TMEM245: variants seen among roughly 807,000 people sequenced by gnomAD.
The protein encoded by TMEM245 is protein CG-2.
A neutral mutation model predicts 101.2 loss-of-function variants in TMEM245; 69 were observed. The ratio of observed to expected loss-of-function variants is 0.68; its 90% CI spans 0.56 to 0.83. The LOEUF is 0.83. TMEM245 is among the 40% of genes least tolerant of loss of function. The probability of loss-of-function intolerance (pLI) is 0.00; values close to 1 mark genes in which losing one functional copy is unlikely to be tolerated. For missense variants in TMEM245, 1,075 were observed against 1,092.8 expected, an observed-to-expected ratio of 0.98 and a Z score of 0.23; for synonymous variants, 537 against 449.8, an observed-to-expected ratio of 1.19 and a Z score of -2.45.
In TMEM245 at chr9:109,088,419, G is replaced by A. The variant is rs145506862; in HGVS notation, c.1151-1077C>T. On this transcript the variant is annotated intron_variant, in intron 5 of 17. Coordinates refer to ENST00000374586, the MANE Select transcript of TMEM245 (RefSeq NM_032012.4). ...TGTCAAATTCCTATGATGACTAGAA[G>A]GTTAAGCTATAACTAAGAGAAATGA... Among the ~76,000 whole-genome samples, 5 of 152,244 alleles carry A rather than the reference G, an allele frequency of 3.3e-5. No homozygotes were observed. The East Asian group carries it at 9.6e-4, about 29-fold the overall frequency.
Position 109,020,246 on chromosome 9 carries a change from C to T in TMEM245, c.*214G>A, listed in dbSNP as rs1245186790. On this transcript the variant is annotated 3_prime_UTR_variant, in exon 18 of 18. Transcript: ENST00000374586. ...TAACAACAGTTAAGTGAGCAAACCA[C>T]CAACTCTGAACTCTCAAGCTGTGTT... 3.3e-6 allele frequency: 2 copies of T among 607,656 alleles called. No homozygotes were observed. Among genetic ancestry groups the T allele is most frequent in the African/African-American group, 1.9e-5 (1 of 53,660 alleles). 37.6% of individuals were successfully genotyped at this position (607,656 alleles called of 1,614,324 possible). A position where few individuals can be genotyped will look rare whatever the true frequency, so the allele number is the denominator to read the frequency against.
At position 109,016,546 on chromosome 9, in the gene TMEM245, TA is replaced by T. The variant is rs112571676; in HGVS notation, c.*3913del. 13,242 of 152,282 alleles carry T rather than the reference TA, an allele frequency of 0.087. 682 individuals carry two copies. The highest frequency in any genetic ancestry group is 0.23 in the South Asian group (1,116 of 4,824). 9.4% of individuals were successfully genotyped at this position (152,282 alleles called of 1,614,324 possible). A position where few individuals can be genotyped will look rare whatever the true frequency, so the allele number is the denominator to read the frequency against. On this transcript the variant is annotated 3_prime_UTR_variant, in exon 18 of 18. Transcript: ENST00000374586. ...AGAAAGTGACAGGACCACCTAATTT[TA>T]GAAGTCCCATTCTAGCACAGAATTT...
Position 109,064,564 on chromosome 9 carries a change from C to A in TMEM245, c.1536G>T (p.Trp512Cys), listed in dbSNP as rs1448721050. 1 of 1,612,874 alleles carries A rather than the reference C, an allele frequency of 6.2e-7. No individual in the cohort carries two copies. Among genetic ancestry groups the A allele is most frequent in the South Asian group, 1.1e-5 (1 of 91,018 alleles). The change falls in exon 10 of 18, where the codon TGG becomes TGT. Residue 512 changes from tryptophan to cysteine, a missense_variant. This residue lies in a region of TMEM245 where 808 missense variants were observed against 741.5 expected (regional missense o/e 1.09). Coordinates refer to ENST00000374586, the MANE Select transcript of TMEM245 (RefSeq NM_032012.4). ...TLANHPEWANWLPEAQVVQRA... is the reference protein window; with the variant it reads ...TLANHPEWANCLPEAQVVQRA... ...TTTGGACTACCTGAGCCTCAGGAAG[C>A]CAACTAATGTAAAACAAAGAAAAAA...
At chr9:109,081,523 A>G (rs942452259) in intron 7 of TMEM245, among the ~76,000 whole-genome samples, 7 of 152,210 alleles carry the variant, frequency 4.6e-5, no homozygotes, top group Admixed American at 2.6e-4. Flanking sequence ...AATAACAAAG[A>G]TAACAGTTGC....
chr9:109,099,653 T>A (rs1264282728), intron 3 of TMEM245, among the ~76,000 whole-genome samples: 1 of 152,180 alleles, frequency 6.6e-6, no homozygotes, highest in Non-Finnish European at 1.5e-5. Context: ...ACTAAGAGTA[T>A]TTTTAAAGAG....
At chr9:109,029,707 G>A (rs1018138260) in intron 17 of TMEM245, among the ~76,000 whole-genome samples, 1 of 152,156 alleles carries the variant, frequency 6.6e-6, no homozygotes, top group African/African-American at 2.4e-5. Flanking sequence ...CAATGCAAGG[G>A]AGAGTTGAGG....
chr9:109,078,437 C>G (rs184871462), intron 8 of TMEM245, among the ~76,000 whole-genome samples: 1 of 152,288 alleles, frequency 6.6e-6, no homozygotes, highest in East Asian at 1.9e-4. Context: ...AAGTGCAGGT[C>G]TGCTATCAAC....
At chr9:109,033,255 C>T in intron 17 of TMEM245, 52 bp downstream of exon 17, 2 of 1,497,388 alleles carry the variant, frequency 1.3e-6, no homozygotes. Flanking sequence ...AATACAGAGA[C>T]AGGACAGTTC....
At chr9:109,077,784 A>C (rs1829555062) in intron 8 of TMEM245, among the ~76,000 whole-genome samples, 1 of 152,196 alleles carries the variant, frequency 6.6e-6, no homozygotes, top group African/African-American at 2.4e-5. Context: ...TAATATTTTT[A>C]CTATCAACCT....
chr9:109,030,783 G>A (rs1400420747), intron 17 of TMEM245, among the ~76,000 whole-genome samples: 4 of 152,118 alleles, frequency 2.6e-5, no homozygotes, highest in Admixed American at 1.3e-4. Context: ...TAAGGATCAC[G>A]CATTGGCTAA....
At chr9:109,041,467 T>G (rs1419277091) in intron 14 of TMEM245, among the ~76,000 whole-genome samples, 1 of 137,648 alleles carries the variant, frequency 7.3e-6, no homozygotes, top group African/African-American at 2.8e-5. Flanking sequence ...TTTTTTTTTT[T>G]TTTTTTTTTT....
At chr9:109,062,769 G>A (rs112693988) in intron 10 of TMEM245, among the ~76,000 whole-genome samples, 12 of 152,228 alleles carry the variant, frequency 7.9e-5, no homozygotes, top group African/African-American at 2.6e-4. Context: ...ACAGGAGTTC[G>A]AGACCAGCCT....
rs1827410750 is a variant in TMEM245, at chr9:109,015,475, T to A, written c.*4985A>T. ...GGGCAAAGAAGGGTTTTCTTTGGGA[T>A]GGCTACAATGAGAGTTACATCTGCT... On this transcript the variant is annotated 3_prime_UTR_variant, in exon 18 of 18. Coordinates refer to ENST00000374586, the MANE Select transcript of TMEM245 (RefSeq NM_032012.4). 1 of 152,512 alleles carries A rather than the reference T, an allele frequency of 6.6e-6. No individual in the cohort carries two copies. The highest frequency in any genetic ancestry group is 2.4e-5 in the African/African-American group (1 of 41,570). The allele number at this position is 152,512 out of a possible 1,614,324, so 9.4% of individuals were successfully genotyped here.
intron 16 of TMEM245, among the ~76,000 whole-genome samples, chr9:109,034,056 A>G (rs1182291959): frequency 6.6e-6 from 1 of 152,232 alleles, no homozygotes; most frequent in African/African-American, 2.4e-5. Context: ...TTTCTATTTC[A>G]CAGGAGAATC....
chr9:109,112,388 A>C (rs1428893291), intron 1 of TMEM245, among the ~76,000 whole-genome samples: 1 of 152,024 alleles, frequency 6.6e-6, no homozygotes, highest in Non-Finnish European at 1.5e-5. Context: ...TAAAAATACA[A>C]AAATTAACCA....
intron 1 of TMEM245, among the ~76,000 whole-genome samples, chr9:109,109,759 C>T (rs893993372): frequency 1.3e-5 from 2 of 152,034 alleles, no homozygotes; most frequent in African/African-American, 4.8e-5. Context: ...GAAATGATTA[C>T]GATTCACTCA....
Position 109,073,375 on chromosome 9 carries a change from T to C in TMEM245, c.1513A>G (p.Asn505Asp). The change falls in exon 9 of 18, where the codon AAT (asparagine) becomes GAT (aspartate). Residue 505 changes from asparagine (N) to aspartate (D), a missense_variant. Transcript: ENST00000374586. ...TSNLINETLA[N>D]HPEWANWLPE... is the part of the protein sequence containing the mutation. ...TCTTACTTTGCCCACTCAGGGTGAT[T>C]TGCTAGAGTTTCATTAATCAAATTA... 6.2e-7 allele frequency: 1 copy of C among 1,613,028 alleles called. No homozygotes were observed. Among genetic ancestry groups the C allele is most frequent in the Non-Finnish European group, 8.5e-7 (1 of 1,179,480 alleles).
At chr9:109,033,099 C>T (rs576979473) in intron 17 of TMEM245, among the ~76,000 whole-genome samples, 21 of 152,214 alleles carry the variant, frequency 1.4e-4, no homozygotes, top group South Asian at 2.1e-4. Context: ...GCTCCCGGCC[C>T]CAATATAGGT....
chr9:109,080,830 GTACTC>G lies in TMEM245; in HGVS notation c.1449+4_1449+8del. The G allele has an allele frequency of 1.3e-6, 2 of 1,499,326 alleles. No homozygotes were observed. The highest frequency in any genetic ancestry group is 1.9e-6 in the Non-Finnish European group (2 of 1,079,158). 92.9% of individuals were successfully genotyped at this position (1,499,326 alleles called of 1,614,324 possible). On this transcript the variant is annotated splice_donor_5th_base_variant and intron_variant, in intron 8 of 17. Coordinates refer to ENST00000374586, the MANE Select transcript of TMEM245 (RefSeq NM_032012.4). ...TTTATTAATGAGAATAATAATCACTGTACTCTACCTTTGCAGTCAGGAGTAGGGCT... is the reference window on the plus strand; with the variant it reads ...TTTATTAATGAGAATAATAATCACTGTACCTTTGCAGTCAGGAGTAGGGCT...
Sources: gnomAD v4.1 joint callset for allele counts (sites outside exome capture counted in the v4.1 genomes callset) on GRCh38, gnomAD v4.1.1 for gene constraint, gnomAD v4.1.1 regional missense constraint, MANE v1.5 for transcripts, NCBI Gene and HGNC (gene_info 2026-07-23, HGNC 2026-07-21) for gene names.